The following SZRD1 variants were observed in gnomAD, a reference collection of about 807,000 sequenced individuals.
The protein encoded by SZRD1 is SUZ RNA-binding domain-containing.
Under a neutral mutation model 17.6 loss-of-function variants are expected in SZRD1, and 7 were observed. The observed-to-expected ratio is 0.40, with a 90% CI of 0.23 to 0.75. SZRD1 has a LOEUF of 0.75. Among genes scored for constraint, SZRD1 ranks in the 30% least tolerant of loss-of-function variants. The probability of loss-of-function intolerance (pLI) is 0.38; values close to 1 mark genes in which losing one functional copy is unlikely to be tolerated. For missense variants in SZRD1, 178 were observed against 201.8 expected, an observed-to-expected ratio of 0.88 and a Z score of 0.71; for synonymous variants, 77 against 77.9, an observed-to-expected ratio of 0.99 and a Z score of 0.06.
chr1:16,397,446 C>G lies in SZRD1; in HGVS notation c.*2306C>G, dbSNP rs895763838. ...GAGGGTATTTTTTGGGGGTAGTTGT[C>G]TGTAACTTTCCTAAGTGCTTTTTTT... On this transcript the variant is annotated 3_prime_UTR_variant, in exon 4 of 4. Coordinates refer to ENST00000401088, the MANE Select transcript of SZRD1 (RefSeq NM_001114600.3). This position sits in a 1 kb window ranked among gnomAD's most constrained non-coding sequence, Gnocchi z 5.4. 1 of 152,246 alleles carries G rather than the reference C, an allele frequency of 6.6e-6. No homozygotes were observed. Among genetic ancestry groups the G allele is most frequent in the Non-Finnish European group, 1.5e-5 (1 of 68,056 alleles). The allele number at this position is 152,246 out of a possible 1,614,324, so 9.4% of individuals were successfully genotyped here. A position where few individuals can be genotyped will look rare whatever the true frequency, so the allele number is the denominator to read the frequency against.
At chr1:16,374,842 T>C (rs1401278623) in intron 1 of SZRD1, among the ~76,000 whole-genome samples, 1 of 148,900 alleles carries the variant, frequency 6.7e-6, no homozygotes, top group Non-Finnish European at 1.5e-5. Context: ...AATTTTAATG[T>C]AGTATCCATA....
chr1:16,375,793 G>A (rs1038464784), intron 1 of SZRD1, among the ~76,000 whole-genome samples: 1 of 152,180 alleles, frequency 6.6e-6, no homozygotes, highest in African/African-American at 2.4e-5. Context: ...GGGCCATGGC[G>A]ATTAGATGAG....
At chr1:16,372,942 C>T (rs139667752) in intron 1 of SZRD1, among the ~76,000 whole-genome samples, 156 of 152,222 alleles carry the variant, frequency 1.0e-3, no homozygotes, top group Non-Finnish European at 1.5e-3. Context: ...GTAAAGAAGA[C>T]GATGCCTAAG....
chr1:16,384,671 C>G (rs1425197677), intron 1 of SZRD1, among the ~76,000 whole-genome samples: 1 of 152,184 alleles, frequency 6.6e-6, no homozygotes, highest in Non-Finnish European at 1.5e-5. Flanking sequence ...TAGCATGGGC[C>G]GTGGCTGGCT....
At chr1:16,379,402 C>T (rs1570014418) in intron 1 of SZRD1, among the ~76,000 whole-genome samples, 1 of 152,178 alleles carries the variant, frequency 6.6e-6, no homozygotes, top group African/African-American at 2.4e-5. Context: ...TACGCCCTGC[C>T]TTAGGGTTCA....
intron 1 of SZRD1, among the ~76,000 whole-genome samples, chr1:16,384,101 G>A (rs1429159967): frequency 6.6e-6 from 1 of 152,146 alleles, no homozygotes. Flanking sequence ...AATAATTACA[G>A]GAGCATTGGA....
chr1:16,380,353 G>A (rs1229094711), intron 1 of SZRD1, among the ~76,000 whole-genome samples: 2 of 151,314 alleles, frequency 1.3e-5, no homozygotes, highest in African/African-American at 4.9e-5. Flanking sequence ...CTCCCAGGCT[G>A]GAGTGCAGTG....
intron 1 of SZRD1, among the ~76,000 whole-genome samples, chr1:16,382,869 A>ATTT (rs559453815): frequency 2.1e-5 from 3 of 140,618 alleles, no homozygotes; most frequent in African/African-American, 7.8e-5. Context: ...CACATGGATA[A>ATTT]TTTTTTTTTT....
intron 1 of SZRD1, among the ~76,000 whole-genome samples, chr1:16,379,502 C>G (rs2083059515): frequency 6.6e-6 from 1 of 152,244 alleles, no homozygotes; most frequent in Non-Finnish European, 1.5e-5. Flanking sequence ...GGACGCTCCA[C>G]AGGTTGTAGC....
At chr1:16,384,580 G>A (rs2083157049) in intron 1 of SZRD1, among the ~76,000 whole-genome samples, 1 of 152,158 alleles carries the variant, frequency 6.6e-6, no homozygotes, top group Non-Finnish European at 1.5e-5. Flanking sequence ...ACCCCTTGCA[G>A]GGGAGACTGG....
chr1:16,380,288 A>G (rs968054289), intron 1 of SZRD1, among the ~76,000 whole-genome samples: 2 of 151,504 alleles, frequency 1.3e-5, no homozygotes, highest in Non-Finnish European at 2.9e-5. Flanking sequence ...CAGCCTGAGC[A>G]ACATAGAGAG....
intron 1 of SZRD1, among the ~76,000 whole-genome samples, chr1:16,374,466 G>A (rs1158960862): frequency 2.0e-5 from 3 of 152,178 alleles, no homozygotes; most frequent in African/African-American, 7.2e-5. Flanking sequence ...GCGTGCTCTG[G>A]GTATCAAGAG....
rs145582218 is a variant in SZRD1, at chr1:16,393,477, C to T, written c.351C>T (p.Leu117=). The T allele has an allele frequency of 3.0e-5, 49 of 1,609,710 alleles. 1 individual carries two copies. The Middle Eastern group carries it at 2.0e-3, about 65-fold the overall frequency. The change falls in exon 3 of 4, where the codon CTC becomes CTT. Residue 117 remains leucine, a synonymous_variant. Transcript: ENST00000401088. This position sits in a 1 kb window ranked among gnomAD's most constrained non-coding sequence, Gnocchi z 5.6. ...SPEEEQEKPI[L]DRPTRISQPE... ...AGGAGGAGCAGGAGAAACCCATCCT[C>T]GACAGGTGAGTGTGGCTGGCAGGGC... is the stretch of plus-strand genomic sequence containing the variant.
At chr1:16,373,201 C>T (rs1213337850) in intron 1 of SZRD1, among the ~76,000 whole-genome samples, 1 of 148,008 alleles carries the variant, frequency 6.8e-6, no homozygotes, top group African/African-American at 2.5e-5. Flanking sequence ...GAAGCTTGAA[C>T]TTTGTCCTGA....
At chr1:16,376,138 G>A (rs1476752868) in intron 1 of SZRD1, among the ~76,000 whole-genome samples, 2 of 152,320 alleles carry the variant, frequency 1.3e-5, no homozygotes, top group African/African-American at 4.8e-5. Context: ...GGTCCGGGGA[G>A]GAAATCATGT....
At chr1:16,385,954 C>G (rs2083180857) in intron 1 of SZRD1, among the ~76,000 whole-genome samples, 1 of 152,194 alleles carries the variant, frequency 6.6e-6, no homozygotes, top group Non-Finnish European at 1.5e-5. Context: ...TCATGATTTC[C>G]TGCCTCCGCT....
chr1:16,369,578 T>G (rs1277823309), intron 1 of SZRD1: 21 of 664,570 alleles, frequency 3.2e-5, no homozygotes, highest in Non-Finnish European at 5.1e-5. Context: ...TATCCCTTAC[T>G]TTAGTAATAT....
intron 1 of SZRD1, chr1:16,387,438 A>G (rs904703000): frequency 2.2e-6 from 1 of 449,602 alleles, no homozygotes; most frequent in Non-Finnish European, 4.5e-6. Context: ...GAAAGTTCAC[A>G]TAGTGAAGTT....
chr1:16,392,056 C>T (rs2085228556), intron 2 of SZRD1, among the ~76,000 whole-genome samples: 1 of 152,100 alleles, frequency 6.6e-6, no homozygotes, highest in Non-Finnish European at 1.5e-5. Flanking sequence ...GCTCACGGGG[C>T]TGCACAGTCA....
Sources: gnomAD v4.1 joint callset for allele counts (sites outside exome capture counted in the v4.1 genomes callset) on GRCh38, gnomAD v4.1.1 for gene constraint, Gnocchi (gnomAD v3.1) non-coding constraint, MANE v1.5 for transcripts, NCBI Gene and HGNC (gene_info 2026-07-23, HGNC 2026-07-21) for gene names.